Variants in INSL6 observed in about 807,000 individuals in gnomAD.
INSL6 encodes insulin-like peptide INSL6.
INSL6 carries 16 observed loss-of-function variants against 9.4 expected under a neutral mutation model. The ratio of observed to expected loss-of-function variants is 1.70; its 90% CI spans 1.15 to 2.59. The LOEUF (loss-of-function observed/expected upper bound fraction) is 2.59, where lower values mean the gene tolerates loss of function less well. Ranked by LOEUF, INSL6 falls within the 30% of genes most tolerant of loss-of-function variation. The pLI is 0.00. For synonymous variants in INSL6, 154 were observed against 96.9 expected (o/e 1.59, Z -3.46); for missense variants, 391 against 257.3 (o/e 1.52, Z -3.56).
At chr9:5,108,227 A>G in the INSL6 span, 3 of 152,076 alleles carry the variant, frequency 2.0e-5, no homozygotes, top group African/African-American at 7.3e-5. Context: ...TTCCCTGCAG[A>G]TTTTTTAAAA....
At chr9:5,146,848 C>T (rs1249514893) in intron 2 of INSL6, among the ~76,000 whole-genome samples, 6 of 152,250 alleles carry the variant, frequency 3.9e-5, no homozygotes, top group East Asian at 3.9e-4. Context: ...TTGGAGCTTT[C>T]CACCAGTCAG....
chr9:5,109,950 G>A, the INSL6 span: 1 of 152,172 alleles, frequency 6.6e-6, no homozygotes. Context: ...TGGCCGAGCA[G>A]ATGCTAATAC....
At chr9:5,054,591 C>T in the INSL6 span, 5 of 1,596,108 alleles carry the variant, frequency 3.1e-6, no homozygotes, top group Non-Finnish European at 1.7e-6. This position sits in a 1 kb window ranked among gnomAD's most constrained non-coding sequence, Gnocchi z 4.9. Flanking sequence ...AAAATGTATT[C>T]GAGCAAAGAT....
the INSL6 span, chr9:5,112,081 T>C: frequency 2.4e-5 from 9 of 381,126 alleles, no homozygotes; most frequent in Admixed American, 2.1e-4. Flanking sequence ...GAGAGTAAGA[T>C]AGAAGACCAC....
At chr9:5,026,983 G>C in the INSL6 span, among the ~76,000 whole-genome samples, 4 of 152,120 alleles carry the variant, frequency 2.6e-5, no homozygotes, top group African/African-American at 9.7e-5. Flanking sequence ...TCTTTTAAGA[G>C]TATTCATGAC....
chr9:5,040,995 C>A, the INSL6 span: 3 of 637,710 alleles, frequency 4.7e-6, no homozygotes, highest in South Asian at 4.5e-5. Flanking sequence ...TGGAGCTGAT[C>A]AAGTTCCGGA....
At chr9:5,070,756 A>T in the INSL6 span, among the ~76,000 whole-genome samples, 5 of 152,138 alleles carry the variant, frequency 3.3e-5, no homozygotes, top group East Asian at 7.7e-4. Context: ...TGCAGTCCAA[A>T]CCCATGCTGT....
chr9:5,054,285 T>C, the INSL6 span, among the ~76,000 whole-genome samples: 6 of 152,072 alleles, frequency 3.9e-5, no homozygotes, highest in African/African-American at 1.4e-4. This position sits in a 1 kb window ranked among gnomAD's most constrained non-coding sequence, Gnocchi z 4.9. Context: ...TCTTATTAAC[T>C]AGACTGAGGA....
chr9:5,089,889 T>C, the INSL6 span: 1 of 1,420,306 alleles, frequency 7.0e-7, no homozygotes, highest in Non-Finnish European at 9.3e-7. Flanking sequence ...AAACCTATTT[T>C]AAATTCAAGG....
At chr9:5,085,435 G>A in the INSL6 span, 4 of 743,922 alleles carry the variant, frequency 5.4e-6, no homozygotes, top group Middle Eastern at 4.8e-4. Flanking sequence ...TATCAGGCTC[G>A]CAGTATTCTT....
rs201139345 is a variant in INSL6, at chr9:5,185,564, T to G, written c.39A>C (p.Gly13=). 28 of 1,613,358 alleles carry G rather than the reference T, an allele frequency of 1.7e-5. No homozygotes were observed. The highest frequency in any genetic ancestry group is 2.1e-5 in the Non-Finnish European group (25 of 1,179,894). The stretch of plus-strand genomic sequence containing the variant: ...CACGAGAAAACCGAACCAGCAGGAG[T>G]CCAAGCCACAGCAGGGACAAGCGGA... The part of the protein sequence containing the change: ...RLLRLSLLWL[G]LLLVRFSREL... Residue 13 remains glycine, a synonymous_variant, in exon 1 of 2, where the codon GGA becomes GGC. Transcript: ENST00000381641.
the INSL6 span, among the ~76,000 whole-genome samples, chr9:5,072,331 G>A: frequency 1.3e-5 from 2 of 152,154 alleles, no homozygotes; most frequent in Non-Finnish European, 2.9e-5. Flanking sequence ...TAAGGAAGCA[G>A]AATAAAAGCA....
chr9:5,123,225 T>C (rs1366765674), downstream of INSL6: 4 of 674,598 alleles, frequency 5.9e-6, no homozygotes, highest in African/African-American at 1.8e-5. Context: ...CATTGCATAG[T>C]GGTGAAGTCA....
At chr9:5,145,258 A>T (rs1824579110) in intron 2 of INSL6, among the ~76,000 whole-genome samples, 1 of 151,962 alleles carries the variant, frequency 6.6e-6, no homozygotes, top group Non-Finnish European at 1.5e-5. Flanking sequence ...CTGGGTTGGA[A>T]TTTCTTAAGA....
intron 2 of INSL6, among the ~76,000 whole-genome samples, chr9:5,144,832 C>T (rs1399762492): frequency 6.6e-6 from 1 of 152,122 alleles, no homozygotes; most frequent in Non-Finnish European, 1.5e-5. Context: ...GATTTTTCTC[C>T]ATACCTTTAT....
the INSL6 span, among the ~76,000 whole-genome samples, chr9:5,042,277 A>G: frequency 2.0e-5 from 3 of 151,634 alleles, no homozygotes; most frequent in Non-Finnish European, 4.4e-5. Context: ...AGCTGGGACT[A>G]CAGGCGCCCG....
chr9:5,171,943 C>T (rs1044852503), intron 1 of INSL6, among the ~76,000 whole-genome samples: 5 of 152,162 alleles, frequency 3.3e-5, no homozygotes, highest in African/African-American at 1.2e-4. Flanking sequence ...CTATTCCCAT[C>T]TAACTACCAT....
At chr9:5,134,576 T>A (rs975420105) in intron 2 of INSL6, among the ~76,000 whole-genome samples, 1 of 152,122 alleles carries the variant, frequency 6.6e-6, no homozygotes, top group Non-Finnish European at 1.5e-5. Context: ...GTATCTCATA[T>A]CCATCTAAAC....
At chr9:5,044,139 C>T in the INSL6 span, among the ~76,000 whole-genome samples, 154 of 152,308 alleles carry the variant, frequency 1.0e-3, 2 homozygotes, top group Non-Finnish European at 5.0e-4. Context: ...TTAATTTCTA[C>T]ATTTTTTGTT....
Sources: allele counts gnomAD v4.1 joint callset (sites outside exome capture counted in the v4.1 genomes callset), GRCh38; gene constraint gnomAD v4.1.1; non-coding constraint Gnocchi (gnomAD v3.1); transcripts MANE v1.5; gene names NCBI Gene and HGNC (gene_info 2026-07-23, HGNC 2026-07-21).